The following OSR1 variants were observed in gnomAD, a reference collection of about 807,000 sequenced individuals.
The protein encoded by OSR1 is odd-skipped related transcription factor 1.
Under a neutral mutation model 15.7 loss-of-function variants are expected in OSR1, and 3 were observed. The observed-to-expected ratio is 0.19, with a 90% CI of 0.09 to 0.50. The LOEUF (loss-of-function observed/expected upper bound fraction) is 0.50. OSR1 is among the 20% of genes least tolerant of loss of function. OSR1 has a pLI of 0.97. For missense variants in OSR1, 271 were observed against 351.1 expected (o/e 0.77, Z 1.82); for synonymous variants, 166 against 152.7 (o/e 1.09, Z -0.64).
intron 1 of OSR1, chr2:19,354,104 A>C (rs969233924): frequency 6.3e-5 from 26 of 409,886 alleles, no homozygotes; most frequent in African/African-American, 4.1e-4. Flanking sequence ...TGATAGAGGG[A>C]AGGGCCTACT....
downstream of OSR1, chr2:19,351,400 G>A (rs1664836698): frequency 6.6e-6 from 1 of 152,536 alleles, no homozygotes; most frequent in African/African-American, 2.4e-5. Flanking sequence ...GGGACACGCT[G>A]GCGTCCAGCA....
chr2:19,357,472 G>A lies in OSR1; in HGVS notation c.-33+869C>T, dbSNP rs1013281925. 1.3e-5 allele frequency among the ~76,000 whole-genome samples: 2 copies of A among 152,124 alleles called. No individual in the cohort carries two copies. The highest frequency in any genetic ancestry group is 2.1e-4 in the South Asian group (1 of 4,830). ...TTTCATTCTTCTCCGAGACATTTCC[G>A]AGGAGAAATTAGTTCAGCAGGCAGC... On this transcript the variant is annotated intron_variant, in intron 1 of 2. Transcript: ENST00000272223. This position sits in a 1 kb window ranked among gnomAD's most constrained non-coding sequence, Gnocchi z 5.0.
At chr2:19,349,466 C>T (rs1399880825), downstream of OSR1, among the ~76,000 whole-genome samples, 2 of 152,202 alleles carry the variant, frequency 1.3e-5, no homozygotes, top group East Asian at 3.9e-4. Context: ...CCTCCATTCC[C>T]CATCCCCAAT....
chr2:19,348,992 TC>T (rs2103356812), downstream of OSR1, among the ~76,000 whole-genome samples: 1 of 152,286 alleles, frequency 6.6e-6, no homozygotes, highest in East Asian at 1.9e-4. Flanking sequence ...CCTCTTTTTC[TC>T]CTGAAAAATA....
chr2:19,353,786 G>A lies in OSR1; in HGVS notation c.20C>T (p.Pro7Leu). The A allele has an allele frequency of 6.2e-7, 1 of 1,611,436 alleles. No individual in the cohort carries two copies. The change falls in exon 2 of 3, where the codon CCG (proline) becomes CTG (leucine). Residue 7 changes from proline to leucine, a missense_variant. Pro to Leu is a moderately conservative substitution (Grantham distance 98, BLOSUM62 -3). This residue lies in a region of OSR1 where 210 missense variants were observed against 218.4 expected (regional missense o/e 0.96). Transcript: ENST00000272223. Reference protein sequence around the residue: MGSKTLPAPVPIHPSLQ... With the variant: MGSKTLLAPVPIHPSLQ... ...GGAAGGGTGGATAGGCACCGGCGCC[G>A]GCAAGGTTTTGCTGCCCATTTCGGT...
At position 19,352,235 on chromosome 2, in the gene OSR1, G is replaced by A. The variant is rs1664856381; in HGVS notation, c.*40C>T. 2 of 1,608,640 alleles carry A rather than the reference G, an allele frequency of 1.2e-6. No homozygotes were observed. The highest frequency in any genetic ancestry group is 1.7e-6 in the Non-Finnish European group (2 of 1,176,534). ...GGCTTCTGGTCCCTATGGAGGAGAG[G>A]GCCGCTGGGCCTAGGGTCCTTGTGA... is the stretch of plus-strand genomic sequence containing the variant. On this transcript the variant is annotated 3_prime_UTR_variant, in exon 3 of 3. Transcript: ENST00000272223.
Position 19,353,123 on chromosome 2 carries a change from C to CT in OSR1, c.665+17_665+18insA. On this transcript the variant is annotated intron_variant, in intron 2 of 2. Transcript: ENST00000272223. The stretch of plus-strand genomic sequence containing the variant: ...CAGAGGCAGAGAGCTCTCTCTTGCG[C>CT]CACCCGCAGTGCCGCACCTGTGGTC... The CT allele has an allele frequency of 6.2e-7, 1 of 1,610,948 alleles. No individual in the cohort carries two copies. The highest frequency in any genetic ancestry group is 1.1e-5 in the South Asian group (1 of 91,014).
chr2:19,354,027 C>T, intron 1 of OSR1, 190 bp from the exon 2 acceptor site: 1 of 573,916 alleles, frequency 1.7e-6, no homozygotes, highest in South Asian at 2.4e-5. Context: ...GCAGGGGAGC[C>T]CTCTTTTCAG....
At chr2:19,354,203 A>C in intron 1 of OSR1, 1 of 186,904 alleles carries the variant, frequency 5.4e-6, no homozygotes, top group African/African-American at 2.3e-5. Flanking sequence ...TCAACACAGA[A>C]TCACAATCTC....
At chr2:19,345,426 T>C in the OSR1 span, among the ~76,000 whole-genome samples, 3 of 152,114 alleles carry the variant, frequency 2.0e-5, no homozygotes, top group African/African-American at 7.2e-5. Flanking sequence ...CTAGGGTTTT[T>C]ATGGTTTTAG....
rs986314426 is a variant in OSR1 at position 19,352,089 on chromosome 2, C to A, written c.*186G>T. 1.8e-5 allele frequency: 10 copies of A among 554,500 alleles called. No individual in the cohort carries two copies. Among genetic ancestry groups the A allele is most frequent in the Non-Finnish European group, 2.1e-5 (7 of 326,462 alleles). The allele number at this position is 554,500 out of a possible 1,614,324, so 34.3% of individuals were successfully genotyped here. A position where few individuals can be genotyped will look rare whatever the true frequency, so the allele number is the denominator to read the frequency against. ...CCGCGTCCTAGGGGAGCAGCAGGGACGGTCGGGGTCGCGGCCCCGGGCGGG... is the reference window on the plus strand; with the variant it reads ...CCGCGTCCTAGGGGAGCAGCAGGGAAGGTCGGGGTCGCGGCCCCGGGCGGG... On this transcript the variant is annotated 3_prime_UTR_variant, in exon 3 of 3. Coordinates refer to ENST00000272223, the MANE Select transcript of OSR1 (RefSeq NM_145260.3).
intron 1 of OSR1, chr2:19,354,544 C>A: frequency 6.6e-6 from 1 of 152,304 alleles, no homozygotes. Flanking sequence ...ATTTGGCTTC[C>A]AGAAGCCCTG....
chr2:19,356,755 G>T (rs985300462), intron 1 of OSR1: 3 of 152,394 alleles, frequency 2.0e-5, no homozygotes, highest in Admixed American at 6.5e-5. Context: ...ATTCGCGCTC[G>T]GGATCCCGAG....
At chr2:19,347,968 C>G (rs893353051), downstream of OSR1, among the ~76,000 whole-genome samples, 1 of 152,254 alleles carries the variant, frequency 6.6e-6, no homozygotes, top group Non-Finnish European at 1.5e-5. Context: ...ACACTGAACT[C>G]CGCGACGATT....
rs961957558 is a variant in OSR1 at position 19,352,065 on chromosome 2, C to T, written c.*210G>A. On this transcript the variant is annotated 3_prime_UTR_variant, in exon 3 of 3. Coordinates refer to ENST00000272223, the MANE Select transcript of OSR1 (RefSeq NM_145260.3). The stretch of plus-strand genomic sequence containing the variant: ...ACCGCCTTTTGGCCAAGAGTTTAGC[C>T]GCGTCCTAGGGGAGCAGCAGGGACG... 2 of 447,836 alleles carry T rather than the reference C, an allele frequency of 4.5e-6. No individual in the cohort carries two copies. The highest frequency in any genetic ancestry group is 7.8e-6 in the Non-Finnish European group (2 of 256,396). The allele number at this position is 447,836 out of a possible 1,614,324, so 27.7% of individuals were successfully genotyped here. A position where few individuals can be genotyped will look rare whatever the true frequency, so the allele number is the denominator to read the frequency against.
intron 2 of OSR1, 88 bp downstream of exon 2, chr2:19,353,053 A>C: frequency 6.8e-7 from 1 of 1,465,724 alleles, no homozygotes; most frequent in Non-Finnish European, 9.3e-7. Context: ...GCTTGGAGCC[A>C]GTAGGGGGTC....
chr2:19,349,173 G>A (rs968881977), downstream of OSR1, among the ~76,000 whole-genome samples: 20 of 152,184 alleles, frequency 1.3e-4, no homozygotes, highest in Admixed American at 5.2e-4. Context: ...TGCACTTTTT[G>A]TGCAACCCAC....
chr2:19,345,471 A>G, the OSR1 span, among the ~76,000 whole-genome samples: 1 of 151,966 alleles, frequency 6.6e-6, no homozygotes, highest in Admixed American at 6.6e-5. Context: ...ATCTTGAATT[A>G]ATTTTTGTAT....
At chr2:19,356,569 C>A (rs1193346066) in intron 1 of OSR1, 6 of 152,248 alleles carry the variant, frequency 3.9e-5, no homozygotes, top group Non-Finnish European at 8.8e-5. Flanking sequence ...GATGAGTGAG[C>A]CCCCGGCTCC....
Sources: gnomAD v4.1 joint callset for allele counts (sites outside exome capture counted in the v4.1 genomes callset) on GRCh38, gnomAD v4.1.1 for gene constraint, gnomAD v4.1.1 regional missense constraint, Gnocchi (gnomAD v3.1) non-coding constraint, MANE v1.5 for transcripts, NCBI Gene and HGNC (gene_info 2026-07-23, HGNC 2026-07-21) for gene names.